CNTNAP2: variants seen among roughly 807,000 people sequenced by gnomAD.
The protein encoded by CNTNAP2 is contactin-associated protein-like 2.
In CNTNAP2, 98 loss-of-function variants were observed where a neutral mutation model predicts 155.2. The ratio of observed to expected loss-of-function variants is 0.63; its 90% CI spans 0.54 to 0.75. The LOEUF is 0.75. Among genes scored for constraint, CNTNAP2 ranks in the 30% least tolerant of loss-of-function variants. CNTNAP2 has a pLI of 0.00. For missense variants in CNTNAP2, 1,727 were observed against 1,688.1 expected (o/e 1.02, Z -0.40); for synonymous variants, 651 against 631.2 (o/e 1.03, Z -0.47).
chr7:147,339,557 T>C (rs1314860971), intron 9 of CNTNAP2, among the ~76,000 whole-genome samples: 1 of 152,148 alleles, frequency 6.6e-6, no homozygotes. Flanking sequence ...CAGCCTCAGG[T>C]ATTCTGTTAT....
intron 8 of CNTNAP2, among the ~76,000 whole-genome samples, chr7:147,250,539 C>G (rs1181047509): frequency 6.6e-6 from 1 of 151,682 alleles, no homozygotes; most frequent in Non-Finnish European, 1.5e-5. Context: ...CTAAGCACCC[C>G]CCACCCCCCC....
chr7:148,390,467 T>C (rs1321028627), intron 22 of CNTNAP2, among the ~76,000 whole-genome samples: 1 of 152,102 alleles, frequency 6.6e-6, no homozygotes, highest in Non-Finnish European at 1.5e-5. Context: ...TTTCTGAAAA[T>C]ACAGCAGGTG....
chr7:147,052,989 T>C (rs1023710347), intron 4 of CNTNAP2, among the ~76,000 whole-genome samples: 7 of 152,100 alleles, frequency 4.6e-5, no homozygotes, highest in Non-Finnish European at 8.8e-5. Flanking sequence ...CTTTAGTGCT[T>C]TTAAGTATAG....
intron 8 of CNTNAP2, among the ~76,000 whole-genome samples, chr7:147,268,997 C>T (rs185176355): frequency 2.6e-5 from 4 of 152,114 alleles, no homozygotes; most frequent in Admixed American, 2.6e-4. Context: ...CTTGGATGCT[C>T]GAGTCTCTAA....
chr7:146,639,935 C>T (rs1181810104), intron 1 of CNTNAP2, among the ~76,000 whole-genome samples: 1 of 152,162 alleles, frequency 6.6e-6, no homozygotes, highest in East Asian at 1.9e-4. Flanking sequence ...AAATAGCCAA[C>T]GGCACCCAAG....
At chr7:146,890,698 T>C (rs187910343) in intron 3 of CNTNAP2, among the ~76,000 whole-genome samples, 2 of 152,320 alleles carry the variant, frequency 1.3e-5, no homozygotes, top group East Asian at 3.9e-4. Flanking sequence ...TTTACATCAG[T>C]CATTATACAA....
chr7:148,146,470 C>T (rs1276486068), intron 16 of CNTNAP2, among the ~76,000 whole-genome samples: 1 of 152,182 alleles, frequency 6.6e-6, no homozygotes, highest in African/African-American at 2.4e-5. Context: ...CTACTTATAG[C>T]TAAAGTTAAT....
At chr7:147,214,584 A>T (rs1803227026) in intron 8 of CNTNAP2, among the ~76,000 whole-genome samples, 1 of 152,140 alleles carries the variant, frequency 6.6e-6, no homozygotes, top group African/African-American at 2.4e-5. Context: ...TAGCCATAAG[A>T]GATATTTTGT....
At chr7:147,869,284 A>G (rs1389963707) in intron 13 of CNTNAP2, among the ~76,000 whole-genome samples, 3 of 152,228 alleles carry the variant, frequency 2.0e-5, no homozygotes, top group Non-Finnish European at 2.9e-5. Flanking sequence ...CAAAATGAAA[A>G]CAAGTCTATT....
chr7:148,358,234 G>A (rs748066585), intron 21 of CNTNAP2, among the ~76,000 whole-genome samples: 7 of 152,130 alleles, frequency 4.6e-5, no homozygotes, highest in African/African-American at 1.4e-4. Context: ...TCATCATTTC[G>A]AGGCGCCTGT....
chr7:146,609,462 A>G (rs1039832236), intron 1 of CNTNAP2, among the ~76,000 whole-genome samples: 1 of 152,222 alleles, frequency 6.6e-6, no homozygotes, highest in African/African-American at 2.4e-5. Context: ...TTCTGCTGTG[A>G]ATACTGTGAC....
intron 10 of CNTNAP2, among the ~76,000 whole-genome samples, chr7:147,447,031 G>C (rs998934655): frequency 1.3e-5 from 2 of 152,094 alleles, no homozygotes; most frequent in Non-Finnish European, 2.9e-5. Context: ...CCAAGAAAAG[G>C]CATTAAAGAA....
At chr7:148,405,760 C>T (rs188408534) in intron 22 of CNTNAP2, among the ~76,000 whole-genome samples, 2,433 of 151,070 alleles carry the variant, frequency 0.016, 60 homozygotes, top group African/African-American at 0.056. Flanking sequence ...GGACTACAGG[C>T]GCACGCCATC....
intron 13 of CNTNAP2, among the ~76,000 whole-genome samples, chr7:147,773,319 CA>C (rs1417705954): frequency 6.6e-6 from 1 of 152,028 alleles, no homozygotes; most frequent in African/African-American, 2.4e-5. Context: ...AAGTCTTGTT[CA>C]TTACAGAAAC....
In CNTNAP2 at chr7:147,927,142, A is replaced by C. The variant is rs370247387; in HGVS notation, c.2255+23421A>C. 2.0e-5 allele frequency among the ~76,000 whole-genome samples: 3 copies of C among 152,322 alleles called. No individual in the cohort carries two copies. The East Asian group carries it at 5.8e-4, about 29-fold the overall frequency. Reference sequence around the variant, plus strand: ...AGATAAATATGCATTTATTCTATTTAGTTGTAGAATGATAAAGATAATTTT... The same window carrying C: ...AGATAAATATGCATTTATTCTATTTCGTTGTAGAATGATAAAGATAATTTT... On this transcript the variant is annotated intron_variant, in intron 14 of 23. Transcript: ENST00000361727.
chr7:147,664,732 C>T (rs1055328670), intron 13 of CNTNAP2, among the ~76,000 whole-genome samples: 1 of 152,152 alleles, frequency 6.6e-6, no homozygotes, highest in African/African-American at 2.4e-5. Context: ...CTTATCTTGA[C>T]TTTACAGGGT....
At chr7:147,940,941 A>G (rs73464209) in intron 14 of CNTNAP2, among the ~76,000 whole-genome samples, 3,309 of 152,352 alleles carry the variant, frequency 0.022, 123 homozygotes, top group African/African-American at 0.075. Flanking sequence ...ACTAGTATAA[A>G]AAGAGAAACT....
chr7:146,689,267 GA>G, intron 1 of CNTNAP2, among the ~76,000 whole-genome samples: 1 of 152,078 alleles, frequency 6.6e-6, no homozygotes. Flanking sequence ...CCTGTCTTTT[GA>G]AAGCCAAATT....
intron 1 of CNTNAP2, among the ~76,000 whole-genome samples, chr7:146,642,481 C>T (rs1050504479): frequency 2.6e-4 from 40 of 151,980 alleles, no homozygotes; most frequent in African/African-American, 9.4e-4. Flanking sequence ...CTACAAAGGA[C>T]ATGAACTCAT....
Sources: gnomAD v4.1 joint callset for allele counts (sites outside exome capture counted in the v4.1 genomes callset) on GRCh38, gnomAD v4.1.1 for gene constraint, MANE v1.5 for transcripts, NCBI Gene and HGNC (gene_info 2026-07-23, HGNC 2026-07-21) for gene names.